ZNF584: variants seen among roughly 807,000 people sequenced by gnomAD.
The protein encoded by ZNF584 is zinc finger protein 584.
A neutral mutation model predicts 14.7 loss-of-function variants in ZNF584; 12 were observed. That is an observed-to-expected ratio of 0.82 (90% CI 0.52 to 1.32). The LOEUF is 1.32. Ranked by LOEUF, ZNF584 falls within the 40% of genes most tolerant of loss-of-function variation. The probability of loss-of-function intolerance (pLI) is 0.00; values close to 1 mark genes in which losing one functional copy is unlikely to be tolerated. For synonymous variants in ZNF584, 204 were observed against 190.9 expected, an observed-to-expected ratio of 1.07 and a Z score of -0.57; for missense variants, 478 against 518.8, an observed-to-expected ratio of 0.92 and a Z score of 0.76.
At position 58,415,549 on chromosome 19, in the gene ZNF584, G is replaced by C; in HGVS notation, c.195G>C (p.Val65=). ...SLGLAPSRSP[V]FTQLEDDEQS... Reference sequence around the variant, plus strand: ...GACTTGCACCTTCGAGATCCCCTGTGTTTACCCAGCTGGAGGATGATGAAC... The same window carrying C: ...GACTTGCACCTTCGAGATCCCCTGTCTTTACCCAGCTGGAGGATGATGAAC... Residue 65 remains valine (V), a synonymous_variant, in exon 3 of 4, where the codon GTG becomes GTC. Coordinates refer to ENST00000306910, the MANE Select transcript of ZNF584 (RefSeq NM_173548.3). The C allele has an allele frequency of 6.2e-7, 1 of 1,613,794 alleles. No individual in the cohort carries two copies. The highest frequency in any genetic ancestry group is 8.5e-7 in the Non-Finnish European group (1 of 1,179,734).
Position 58,417,755 on chromosome 19 carries a change from A to T in ZNF584, c.1237A>T (p.Arg413Trp), listed in dbSNP as rs2052665096. 6.2e-7 allele frequency: 1 copy of T among 1,611,998 alleles called. No individual in the cohort carries two copies. The highest frequency in any genetic ancestry group is 1.3e-5 in the African/African-American group (1 of 74,874). Residue 413 changes from arginine (R) to tryptophan (W), a missense_variant, in exon 4 of 4, where the codon AGG (arginine) becomes TGG (tryptophan). By Grantham distance (101) the Arg-to-Trp change is moderately radical. Around this residue, in one of 3 missense-constraint regions of ZNF584, gnomAD observed 283 missense variants for 317.3 expected, o/e 0.89. Transcript: ENST00000306910. ...TACTCCAGAAAGGCGTCAGGAGGAC[A>T]GGGCACATGGGAAGGTCGTTAGCTG... ...VHTPERRQEDRAHGKVVSC is the reference protein window; with the variant it reads ...VHTPERRQEDWAHGKVVSC
At chr19:58,406,153 G>A (rs959640710), upstream of ZNF584, 6 of 159,174 alleles carry the variant, frequency 3.8e-5, no homozygotes, top group East Asian at 1.9e-4. Context: ...AGACCAGCCC[G>A]GCCAACACAG....
chr19:58,412,372 G>A (rs1257445938), intron 2 of ZNF584, among the ~76,000 whole-genome samples: 1 of 151,588 alleles, frequency 6.6e-6, no homozygotes, highest in African/African-American at 2.4e-5. Flanking sequence ...ACCGCGCCCG[G>A]CTAATTTTTT....
At chr19:58,410,573 G>GTATATATATGTATATATATATGTGTA (rs1227119215) in intron 2 of ZNF584, among the ~76,000 whole-genome samples, 1 of 6,434 alleles carries the variant, frequency 1.6e-4, no homozygotes, top group Non-Finnish European at 3.4e-4. Flanking sequence ...ATATATATAT[G>GTATATATATGTATATATATATGTGTA]TATATATATG....
chr19:58,417,844 G>C lies in ZNF584; in HGVS notation c.*60G>C. On this transcript the variant is annotated 3_prime_UTR_variant, in exon 4 of 4. Transcript: ENST00000306910. ...AGGAGGTTAAGGAGAGTGGCCGTGA[G>C]AGTGCCATCCGAAAGAAGCTAAACC... 6.5e-7 allele frequency: 1 copy of C among 1,533,370 alleles called. No individual in the cohort carries two copies. The highest frequency in any genetic ancestry group is 8.8e-7 in the Non-Finnish European group (1 of 1,141,956). 95.0% of individuals were successfully genotyped at this position (1,533,370 alleles called of 1,614,324 possible).
Position 58,410,559 on chromosome 19 carries a change from GTGTATATATATA to G in ZNF584, c.169+480_169+491del, listed in dbSNP as rs1568584460. On this transcript the variant is annotated intron_variant, in intron 2 of 3. Transcript: ENST00000306910. ...TATATATATATATATATATATATAT[GTGTATATATATA>G]TGTATATATATGTATATATATGTAT... Among the ~76,000 whole-genome samples, 47 of 18,982 alleles carry G rather than the reference GTGTATATATATA, an allele frequency of 2.5e-3. 11 individuals are homozygous for G. The highest frequency in any genetic ancestry group is 8.1e-3 in the South Asian group (7 of 864). 12.5% of individuals were successfully genotyped at this position (18,982 alleles called of 152,430 possible).
chr19:58,401,613 G>A (rs1387758572), exon 1 of ZNF584: 1 of 152,200 alleles, frequency 6.6e-6, no homozygotes, highest in African/African-American at 2.4e-5. Flanking sequence ...GGCGCGCAGA[G>A]CGAGGCTGCG....
At chr19:58,412,367 G>A (rs951157747) in intron 2 of ZNF584, among the ~76,000 whole-genome samples, 20 of 151,398 alleles carry the variant, frequency 1.3e-4, no homozygotes, top group African/African-American at 2.4e-4. Context: ...CCGCCACCGC[G>A]CCCGGCTAAT....
rs757421932 is a variant in ZNF584 at position 58,416,685 on chromosome 19, AG to A, written c.293-125del. On this transcript the variant is annotated intron_variant, in intron 3 of 3. Coordinates refer to ENST00000306910, the MANE Select transcript of ZNF584 (RefSeq NM_173548.3). ...CCAAAGCACTGGGATTACAGGCGTG[AG>A]CCACCACGCCTGGCCCTTTCAGCAG... 177 of 1,241,784 alleles carry A rather than the reference AG, an allele frequency of 1.4e-4. 1 individual carries two copies. The highest frequency in any genetic ancestry group is 1.7e-4 in the Non-Finnish European group (163 of 937,020). The allele number at this position is 1,241,784 out of a possible 1,614,324, so 76.9% of individuals were successfully genotyped here.
intron 2 of ZNF584, among the ~76,000 whole-genome samples, chr19:58,410,989 A>G (rs1232714486): frequency 6.6e-6 from 1 of 150,472 alleles, no homozygotes; most frequent in Non-Finnish European, 1.5e-5. Flanking sequence ...ACAGGGTTTC[A>G]CTTTGTTGGC....
In ZNF584 at chr19:58,418,023, A is replaced by C; in HGVS notation, c.*239A>C. The C allele has an allele frequency of 1.8e-6, 1 of 544,104 alleles. No individual in the cohort carries two copies. 33.7% of individuals were successfully genotyped at this position (544,104 alleles called of 1,614,324 possible). A position where few individuals can be genotyped will look rare whatever the true frequency, so the allele number is the denominator to read the frequency against. On this transcript the variant is annotated 3_prime_UTR_variant, in exon 4 of 4. Coordinates refer to ENST00000306910, the MANE Select transcript of ZNF584 (RefSeq NM_173548.3). ...ACCGCCATCCACCTCTATCCACCCC[A>C]TAAGGTCCCTACAGCAAGTGGGACA...
At chr19:58,413,188 GTTTTTC>G (rs886948362) in intron 2 of ZNF584, among the ~76,000 whole-genome samples, 158 of 151,730 alleles carry the variant, frequency 1.0e-3, no homozygotes, top group African/African-American at 3.7e-3. Context: ...CTTTGGGTTT[GTTTTTC>G]TTTTTCTTGT....
intron 2 of ZNF584, among the ~76,000 whole-genome samples, chr19:58,412,810 A>G (rs2122229947): frequency 6.6e-6 from 1 of 152,238 alleles, no homozygotes; most frequent in East Asian, 1.9e-4. Context: ...AATGTTTTTT[A>G]ATAACAACAA....
chr19:58,410,287 T>G (rs938869928), intron 2 of ZNF584, among the ~76,000 whole-genome samples, 196 bp downstream of exon 2: 1 of 151,576 alleles, frequency 6.6e-6, no homozygotes, highest in African/African-American at 2.4e-5. Flanking sequence ...GCAATGCTGT[T>G]GGCAGCCTCA....
intron 1 of ZNF584, 61 bp from the exon 2 acceptor site, chr19:58,409,880 C>A: frequency 6.2e-7 from 1 of 1,604,290 alleles, no homozygotes; most frequent in East Asian, 2.2e-5. Flanking sequence ...AGGTCAAGGG[C>A]CTGAATGTGT....
chr19:58,412,371 G>A (rs113610553), intron 2 of ZNF584, among the ~76,000 whole-genome samples: 13 of 151,582 alleles, frequency 8.6e-5, no homozygotes, highest in East Asian at 1.9e-4. Context: ...CACCGCGCCC[G>A]GCTAATTTTT....
rs1474185797 is a variant in ZNF584, at chr19:58,417,406, G to C, written c.888G>C (p.Arg296Ser). 3 of 1,603,596 alleles carry C rather than the reference G, an allele frequency of 1.9e-6. No homozygotes were observed. The highest frequency in any genetic ancestry group is 2.6e-6 in the Non-Finnish European group (3 of 1,171,398). ...IRHRKVHIGE[R>S]PYECTECGKF... ...ACCGGAAAGTGCACATTGGAGAAAG[G>C]CCCTATGAGTGTACAGAATGTGGGA... Residue 296 changes from arginine to serine, a missense_variant, in exon 4 of 4, where the codon AGG (arginine) becomes AGC (serine). By Grantham distance (110) the Arg-to-Ser change is moderately radical. Coordinates refer to ENST00000306910, the MANE Select transcript of ZNF584 (RefSeq NM_173548.3).
intron 3 of ZNF584, 73 bp from the exon 4 acceptor site, chr19:58,416,738 T>A: frequency 6.7e-7 from 1 of 1,499,462 alleles, no homozygotes; most frequent in Non-Finnish European, 8.9e-7. Flanking sequence ...TGGGTGTGTC[T>A]GACATGCACT....
chr19:58,404,789 C>T (rs556400236), upstream of ZNF584: 13 of 186,158 alleles, frequency 7.0e-5, no homozygotes, highest in South Asian at 8.1e-4. Context: ...AGAGGGGCTC[C>T]TCATTTCCCA....
Sources: gnomAD v4.1 joint callset for allele counts (sites outside exome capture counted in the v4.1 genomes callset) on GRCh38, gnomAD v4.1.1 for gene constraint, gnomAD v4.1.1 regional missense constraint, MANE v1.5 for transcripts, NCBI Gene and HGNC (gene_info 2026-07-23, HGNC 2026-07-21) for gene names.